ARVCF: variants seen among roughly 807,000 people sequenced by gnomAD.
The protein encoded by ARVCF is ARVCF delta catenin family member.
A neutral mutation model predicts 90.9 loss-of-function variants in ARVCF; 66 were observed. The observed-to-expected ratio is 0.73, with a 90% confidence interval of 0.60 to 0.89. ARVCF has a LOEUF of 0.89. Ranked by LOEUF, ARVCF falls within the 40% of genes least tolerant of loss-of-function variation. The pLI is 0.00. For missense variants in ARVCF, 1,469 were observed against 1,382.3 expected, an observed-to-expected ratio of 1.06 and a Z score of -1.00; for synonymous variants, 653 against 603.4, an observed-to-expected ratio of 1.08 and a Z score of -1.21.
intron 2 of ARVCF, among the ~76,000 whole-genome samples, chr22:19,998,452 G>A (rs566475106): frequency 1.3e-5 from 2 of 152,262 alleles, no homozygotes; most frequent in East Asian, 1.9e-4. Context: ...CCCAGGTTTC[G>A]GAGCCAAGGA....
In ARVCF at chr22:19,978,012, G is replaced by C. The variant is rs746128417; in HGVS notation, c.1644C>G (p.Asp548Glu). ...CCGACTGCAGGGCATGCAGGAGCGC[G>C]TCCACCAGCCCTTCACACTCCCGGA... ...RRLRECEGLV[D>E]ALLHALQSAV... Residue 548 changes from aspartate to glutamate, a missense_variant, in exon 8 of 20, where the codon GAC (aspartate) becomes GAG (glutamate). Coordinates refer to ENST00000263207, the MANE Select transcript of ARVCF (RefSeq NM_001670.3). The C allele has an allele frequency of 6.2e-7, 1 of 1,612,090 alleles. No homozygotes were observed. Among genetic ancestry groups the C allele is most frequent in the Non-Finnish European group, 8.5e-7 (1 of 1,179,594 alleles).
At chr22:19,999,099 C>G (rs563038199) in intron 2 of ARVCF, among the ~76,000 whole-genome samples, 1 of 152,244 alleles carries the variant, frequency 6.6e-6, no homozygotes, top group African/African-American at 2.4e-5. Flanking sequence ...AGCCCCACAG[C>G]CAGGGAGGCA....
At chr22:19,985,798 A>G (rs1420853015) in intron 3 of ARVCF, among the ~76,000 whole-genome samples, 1 of 152,212 alleles carries the variant, frequency 6.6e-6, no homozygotes, top group Non-Finnish European at 1.5e-5. Flanking sequence ...CACACAGAGA[A>G]TGAGTTAAGG....
At chr22:19,972,239 C>T (rs1301213244) in intron 17 of ARVCF, 119 bp downstream of exon 17, 10 of 1,427,928 alleles carry the variant, frequency 7.0e-6, no homozygotes, top group African/African-American at 1.4e-5. Flanking sequence ...CTAAGCACCC[C>T]TAAACCAAAT....
Position 19,977,586 on chromosome 22 carries a change from A to C in ARVCF, c.1699T>G (p.Ser567Ala). The part of the protein sequence containing the change: ...AVGRKDTDNK[S>A]VENCVCIMRN... ...ATGATGCACACGCAGTTCTCCACCG[A>C]CTGCAGGGAGAGGTGAGTGGGTGGG... is the stretch of plus-strand genomic sequence containing the variant. The change falls in exon 9 of 20, where the codon TCG becomes GCG. Residue 567 changes from serine to alanine, a missense_variant and splice_region_variant. Physicochemically the swap from Ser to Ala is moderately conservative, Grantham distance 99. Transcript: ENST00000263207. 1 of 1,518,758 alleles carries C rather than the reference A, an allele frequency of 6.6e-7. No homozygotes were observed. The highest frequency in any genetic ancestry group is 2.1e-5 in the Admixed American group (1 of 46,654). The allele number at this position is 1,518,758 out of a possible 1,614,324, so 94.1% of individuals were successfully genotyped here. A position where few individuals can be genotyped will look rare whatever the true frequency, so the allele number is the denominator to read the frequency against.
intron 2 of ARVCF, among the ~76,000 whole-genome samples, chr22:19,999,884 T>G (rs1944384997): frequency 1.3e-5 from 2 of 152,124 alleles, no homozygotes; most frequent in African/African-American, 4.8e-5. Flanking sequence ...CAAGCCCCAC[T>G]GCCTCCTCCA....
chr22:19,976,226 G>A (rs1332439179), intron 10 of ARVCF, among the ~76,000 whole-genome samples: 1 of 152,176 alleles, frequency 6.6e-6, no homozygotes, highest in Non-Finnish European at 1.5e-5. Flanking sequence ...CTAGCCAGGA[G>A]AAACCCCACA....
chr22:19,991,236 G>A (rs983706706), intron 2 of ARVCF, among the ~76,000 whole-genome samples: 1 of 152,256 alleles, frequency 6.6e-6, no homozygotes, highest in Non-Finnish European at 1.5e-5. Flanking sequence ...CCAAGAAAGG[G>A]TGGGGGACCA....
downstream of ARVCF, chr22:19,968,696 A>C (rs1327994695): frequency 6.2e-7 from 1 of 1,613,510 alleles, no homozygotes; most frequent in Non-Finnish European, 8.5e-7. Flanking sequence ...GGCCTGGAGA[A>C]GGCCATCTAC....
downstream of ARVCF, chr22:19,969,081 G>A (rs1601550431): frequency 4.1e-6 from 1 of 243,236 alleles, no homozygotes; most frequent in Non-Finnish European, 8.2e-6. Flanking sequence ...CCCTTGACTT[G>A]GGCACCAAAC....
chr22:20,012,079 T>TGGC, intron 1 of ARVCF, among the ~76,000 whole-genome samples: 1 of 117,154 alleles, frequency 8.5e-6, no homozygotes, highest in South Asian at 3.0e-4. Flanking sequence ...CCTCCCAAAG[T>TGGC]CCCCCCCCCC....
At position 19,991,856 on chromosome 22, in the gene ARVCF, G is replaced by A. The variant is rs543594322; in HGVS notation, c.-18-1044C>T. On this transcript the variant is annotated intron_variant, in intron 2 of 19. Transcript: ENST00000263207. ...GGCCACACTGCCCGGAGCACAGTGA[G>A]CATGGCCGGGTGCCCAGGGCTGCTC... Among the ~76,000 whole-genome samples, 4 of 152,404 alleles carry A rather than the reference G, an allele frequency of 2.6e-5. No homozygotes were observed. The East Asian group carries it at 5.8e-4, about 22-fold the overall frequency.
Position 19,990,521 on chromosome 22 carries a change from C to T in ARVCF, c.210+64G>A, listed in dbSNP as rs976874540. 108 of 1,517,910 alleles carry T rather than the reference C, an allele frequency of 7.1e-5. No individual in the cohort carries two copies. In the Admixed American group the frequency reaches 1.3e-3, roughly 19 times the overall value. 94.0% of individuals were successfully genotyped at this position (1,517,910 alleles called of 1,614,324 possible). ...GAGCGCATGCTGGCTTGTGGTCCAC[C>T]AGGACCCACTGATTGTTTTCCCACT... On this transcript the variant is annotated intron_variant, in intron 3 of 19. Coordinates refer to ENST00000263207, the MANE Select transcript of ARVCF (RefSeq NM_001670.3).
chr22:19,970,500 G>T lies in ARVCF; in HGVS notation c.*256C>A. The T allele has an allele frequency of 9.4e-7, 1 of 1,066,092 alleles. No individual in the cohort carries two copies. Among genetic ancestry groups the T allele is most frequent in the Non-Finnish European group, 1.1e-6 (1 of 876,896 alleles). 66.0% of individuals were successfully genotyped at this position (1,066,092 alleles called of 1,614,324 possible). A position where few individuals can be genotyped will look rare whatever the true frequency, so the allele number is the denominator to read the frequency against. On this transcript the variant is annotated 3_prime_UTR_variant, in exon 20 of 20. Coordinates refer to ENST00000263207, the MANE Select transcript of ARVCF (RefSeq NM_001670.3). Reference sequence around the variant, plus strand: ...CCAGCAGCCCAGTCGGCCTCCTCGGGCCTTCTGTCACTCGCTCACACACAG... The same window carrying T: ...CCAGCAGCCCAGTCGGCCTCCTCGGTCCTTCTGTCACTCGCTCACACACAG...
chr22:20,000,819 C>G (rs187539241), intron 2 of ARVCF, among the ~76,000 whole-genome samples: 1 of 152,106 alleles, frequency 6.6e-6, no homozygotes, highest in African/African-American at 2.4e-5. Flanking sequence ...ACAGCGCCAT[C>G]TATCAATAGC....
In ARVCF at chr22:19,970,094, C is replaced by T. The variant is rs1942663858; in HGVS notation, c.*662G>A. ...GTGCTGCCCAGGCTCCAGGCAGATG[C>T]GGCAGCCCCGGCCCCAGCCAGCATG... On this transcript the variant is annotated 3_prime_UTR_variant, in exon 20 of 20. Transcript: ENST00000263207. 1.0e-6 allele frequency: 1 copy of T among 985,496 alleles called. No individual in the cohort carries two copies. The highest frequency in any genetic ancestry group is 4.7e-5 in the South Asian group (1 of 21,290). 61.0% of individuals were successfully genotyped at this position (985,496 alleles called of 1,614,324 possible).
chr22:19,987,052 C>G (rs781372337), intron 3 of ARVCF: 2 of 654,566 alleles, frequency 3.1e-6, no homozygotes, highest in South Asian at 1.6e-5. Flanking sequence ...CAGGGTCCCC[C>G]CAAGCCAACT....
chr22:19,985,948 T>G (rs1444770536), intron 3 of ARVCF, among the ~76,000 whole-genome samples: 3 of 152,252 alleles, frequency 2.0e-5, no homozygotes, highest in Admixed American at 6.5e-5. Flanking sequence ...CAAGCCAGGC[T>G]GGCATCTCTC....
intron 2 of ARVCF, among the ~76,000 whole-genome samples, chr22:20,000,312 C>T (rs966494006): frequency 2.0e-5 from 3 of 152,242 alleles, no homozygotes; most frequent in Admixed American, 6.5e-5. Context: ...CTGGCCTTGC[C>T]GCTCCCAACC....
Sources: allele counts gnomAD v4.1 joint callset (sites outside exome capture counted in the v4.1 genomes callset), GRCh38; gene constraint gnomAD v4.1.1; transcripts MANE v1.5; gene names NCBI Gene and HGNC (gene_info 2026-07-23, HGNC 2026-07-21).